The following USH2A variants were observed in gnomAD, a reference collection of about 807,000 sequenced individuals.
USH2A encodes usherin.
USH2A carries 443 observed loss-of-function variants against 538.9 expected under a neutral mutation model. That is an observed-to-expected ratio of 0.82 (90% CI 0.76 to 0.89). The LOEUF (loss-of-function observed/expected upper bound fraction) is 0.89, where lower values mean the gene tolerates loss of function less well. USH2A is among the 40% of genes least tolerant of loss of function. The pLI is 0.00. For missense variants in USH2A, 6,633 were observed against 6,324.8 expected (o/e 1.05, Z -1.65); for synonymous variants, 2,413 against 2,273.5 (o/e 1.06, Z -1.75).
rs145147630 is a variant in USH2A, at chr1:216,406,598, G to A, written c.651+11916C>T. Among the ~76,000 whole-genome samples the A allele has an allele frequency of 2.2e-3, 341 of 152,210 alleles. 2 individuals are homozygous for A. The highest frequency in any genetic ancestry group is 7.7e-3 in the African/African-American group (320 of 41,556). On this transcript the variant is annotated intron_variant, in intron 3 of 71. Coordinates refer to ENST00000307340, the MANE Select transcript of USH2A (RefSeq NM_206933.4). ...GTTTTCAAAGTGTATGGGGTCTTGT[G>A]TTTCTTTAATATTTATAAATGCATC...
At chr1:216,139,331 C>T (rs2033553944) in intron 21 of USH2A, among the ~76,000 whole-genome samples, 1 of 151,286 alleles carries the variant, frequency 6.6e-6, no homozygotes, top group South Asian at 2.1e-4. Flanking sequence ...ATACCCTAGG[C>T]ACAGGCTGTT....
At chr1:215,790,312 T>G in intron 50 of USH2A, 30 bp from the exon 51 acceptor site, 2 of 1,610,178 alleles carry the variant, frequency 1.2e-6, no homozygotes, top group Non-Finnish European at 1.7e-6. Context: ...TATATGAATA[T>G]GAAATAGAAA....
intron 19 of USH2A, among the ~76,000 whole-genome samples, 171 bp from the exon 20 acceptor site, chr1:216,190,538 T>G (rs1024957409): frequency 2.0e-5 from 3 of 150,888 alleles, no homozygotes; most frequent in Non-Finnish European, 4.4e-5. Context: ...CAAGCCAGGA[T>G]TTAATTGATT....
At chr1:215,792,455 C>T (rs1043493104) in intron 50 of USH2A, among the ~76,000 whole-genome samples, 3 of 152,132 alleles carry the variant, frequency 2.0e-5, no homozygotes, top group Non-Finnish European at 2.9e-5. Context: ...ACTTAATACC[C>T]TAATCAGCGT....
intron 21 of USH2A, among the ~76,000 whole-genome samples, chr1:216,138,279 A>C (rs1571991489): frequency 2.0e-5 from 3 of 152,322 alleles, no homozygotes; most frequent in Non-Finnish European, 4.4e-5. Flanking sequence ...ATCAACACTT[A>C]GTATTGCTCA....
At chr1:216,394,647 T>C (rs1171364113) in intron 3 of USH2A, among the ~76,000 whole-genome samples, 1 of 151,652 alleles carries the variant, frequency 6.6e-6, no homozygotes, top group East Asian at 1.9e-4. Context: ...CATAGAAATG[T>C]CCCCACAATG....
At chr1:215,947,857 G>A (rs570096088) in intron 37 of USH2A, among the ~76,000 whole-genome samples, 3 of 152,188 alleles carry the variant, frequency 2.0e-5, no homozygotes, top group African/African-American at 7.2e-5. Flanking sequence ...AATTATTATA[G>A]CATAATAATT....
chr1:215,720,353 G>C (rs776958703), intron 61 of USH2A, among the ~76,000 whole-genome samples: 2 of 152,184 alleles, frequency 1.3e-5, no homozygotes, highest in Non-Finnish European at 2.9e-5. Context: ...GAACAGTCTG[G>C]TCTTGGCAAG....
chr1:215,781,554 C>G (rs1047334506), intron 54 of USH2A, among the ~76,000 whole-genome samples: 1 of 152,148 alleles, frequency 6.6e-6, no homozygotes, highest in African/African-American at 2.4e-5. Flanking sequence ...CTGACCTCTG[C>G]TGCCTAAATT....
At chr1:216,066,502 C>A (rs2031375989) in intron 30 of USH2A, among the ~76,000 whole-genome samples, 1 of 151,892 alleles carries the variant, frequency 6.6e-6, no homozygotes, top group South Asian at 2.1e-4. Flanking sequence ...AATTGCTATC[C>A]ATTTCTTGAG....
intron 9 of USH2A, among the ~76,000 whole-genome samples, chr1:216,297,512 A>G (rs1235425963): frequency 1.3e-5 from 2 of 152,150 alleles, no homozygotes; most frequent in Admixed American, 1.3e-4. Flanking sequence ...AAGTTATTAC[A>G]TGCTCAAACC....
At chr1:216,167,450 G>T (rs763338370) in intron 21 of USH2A, among the ~76,000 whole-genome samples, 8 of 152,044 alleles carry the variant, frequency 5.3e-5, no homozygotes, top group Non-Finnish European at 1.0e-4. Context: ...AAATGTTGGC[G>T]CTTAACCGGT....
In USH2A at chr1:216,198,537, T is replaced by C. The variant is rs2034907489; in HGVS notation, c.3859A>G (p.Lys1287Glu). The C allele has an allele frequency of 6.2e-7, 1 of 1,613,910 alleles. No homozygotes were observed. The highest frequency in any genetic ancestry group is 8.5e-7 in the Non-Finnish European group (1 of 1,179,948). Residue 1287 changes from lysine to glutamate, a missense_variant, in exon 18 of 72, where the codon AAA becomes GAA. Transcript: ENST00000307340. Reference sequence around the variant, plus strand: ...CGACTTTCCTCAGATGTGGTTTCTTTAGTAGATCTCAGTCTTCTCATGTAT... The same window carrying C: ...CGACTTTCCTCAGATGTGGTTTCTTCAGTAGATCTCAGTCTTCTCATGTAT... ...ELYMRRLRST[K>E]ETTSEESRVF...
intron 49 of USH2A, among the ~76,000 whole-genome samples, chr1:215,809,709 A>C (rs1662609599): frequency 6.6e-6 from 1 of 152,202 alleles, no homozygotes; most frequent in South Asian, 2.1e-4. Context: ...TTTATTAAAA[A>C]AGGGAGAGAA....
At chr1:216,268,694 T>C (rs2036520646) in intron 11 of USH2A, among the ~76,000 whole-genome samples, 1 of 152,124 alleles carries the variant, frequency 6.6e-6, no homozygotes, top group African/African-American at 2.4e-5. Context: ...ATACAGCCCC[T>C]TTTCTGAATA....
At chr1:215,806,666 CT>C (rs1480416643) in intron 49 of USH2A, among the ~76,000 whole-genome samples, 2 of 151,524 alleles carry the variant, frequency 1.3e-5, no homozygotes, top group Non-Finnish European at 2.9e-5. Context: ...CCATTATCCC[CT>C]GTACCAGTCC....
At chr1:216,061,007 T>G (rs2031161298) in intron 30 of USH2A, among the ~76,000 whole-genome samples, 1 of 152,176 alleles carries the variant, frequency 6.6e-6, no homozygotes, top group Non-Finnish European at 1.5e-5. Flanking sequence ...ACTGAAGGGT[T>G]TTCTACCCTG....
intron 5 of USH2A, 101 bp from the exon 6 acceptor site, chr1:216,325,700 G>T (rs556708711): frequency 1.7e-6 from 2 of 1,144,548 alleles, no homozygotes; most frequent in African/African-American, 1.6e-5. Context: ...GTGCTTTCAT[G>T]AGTATCCATT....
At chr1:216,033,823 C>T (rs1198268756) in intron 32 of USH2A, among the ~76,000 whole-genome samples, 2 of 152,068 alleles carry the variant, frequency 1.3e-5, no homozygotes, top group African/African-American at 2.4e-5. Flanking sequence ...CTGGGTGACA[C>T]AGGAAGACCC....
Sources: gnomAD v4.1 joint callset for allele counts (sites outside exome capture counted in the v4.1 genomes callset) on GRCh38, gnomAD v4.1.1 for gene constraint, MANE v1.5 for transcripts, NCBI Gene and HGNC (gene_info 2026-07-23, HGNC 2026-07-21) for gene names.